Variants in ZBTB44 observed in about 807,000 individuals in gnomAD.
ZBTB44 encodes zinc finger and BTB domain-containing protein 44.
ZBTB44 carries 15 observed loss-of-function variants against 54.0 expected under a neutral mutation model. That is an observed-to-expected ratio of 0.28 (90% CI 0.19 to 0.43). The LOEUF (loss-of-function observed/expected upper bound fraction) is 0.43. Among genes scored for constraint, ZBTB44 ranks in the 20% least tolerant of loss-of-function variants. The pLI is 1.00. For synonymous variants in ZBTB44, 230 were observed against 250.1 expected, an observed-to-expected ratio of 0.92 and a Z score of 0.76; for missense variants, 487 against 707.1, an observed-to-expected ratio of 0.69 and a Z score of 3.53.
chr11:130,258,501 GTA>G (rs1479220142), intron 2 of ZBTB44, among the ~76,000 whole-genome samples: 1 of 152,138 alleles, frequency 6.6e-6, no homozygotes. Flanking sequence ...TCCCTTTAAT[GTA>G]GACTCCTTAC....
intron 1 of ZBTB44, chr11:130,296,602 C>A: frequency 1.1e-6 from 1 of 887,250 alleles, no homozygotes; most frequent in South Asian, 1.3e-5. Flanking sequence ...CAGCCAGAGG[C>A]CTAAATGGGA....
chr11:130,283,637 T>C (rs1464105822), intron 1 of ZBTB44, among the ~76,000 whole-genome samples: 1 of 152,058 alleles, frequency 6.6e-6, no homozygotes, highest in Non-Finnish European at 1.5e-5. Context: ...TATTCGACAA[T>C]GAGAAGGCAT....
intron 1 of ZBTB44, among the ~76,000 whole-genome samples, chr11:130,289,307 A>G (rs1592042611): frequency 6.6e-6 from 1 of 151,918 alleles, no homozygotes; most frequent in Non-Finnish European, 1.5e-5. Context: ...ACATGGTGAA[A>G]CCCCGTCTCT....
At chr11:130,313,441 T>C (rs1393073484) in intron 1 of ZBTB44, among the ~76,000 whole-genome samples, 1 of 152,220 alleles carries the variant, frequency 6.6e-6, no homozygotes, top group Non-Finnish European at 1.5e-5. Context: ...AAGGGGAAAC[T>C]ACATTAGGTA....
In ZBTB44 at chr11:130,238,617, A is replaced by AG. The variant is rs1249752861; in HGVS notation, c.1104-11_1104-10insC. 9.3e-6 allele frequency: 15 copies of AG among 1,607,232 alleles called. No individual in the cohort carries two copies. In the Admixed American group the frequency reaches 1.7e-4, roughly 18 times the overall value. ...CTGAACATTTTCCAATCTAAAAAAA[A>AG]CAGACCAAAGAAGGCAACCAGGCTC... is the stretch of plus-strand genomic sequence containing the variant. On this transcript the variant is annotated splice_polypyrimidine_tract_variant and intron_variant, in intron 3 of 7. Transcript: ENST00000357899.
intron 1 of ZBTB44, among the ~76,000 whole-genome samples, chr11:130,312,731 C>T (rs184952267): frequency 3.9e-5 from 6 of 152,202 alleles, no homozygotes; most frequent in Non-Finnish European, 7.3e-5. Context: ...GCAATCAATG[C>T]ATGAATCTTG....
chr11:130,290,296 A>G (rs1361668637), intron 1 of ZBTB44, among the ~76,000 whole-genome samples: 4 of 152,250 alleles, frequency 2.6e-5, no homozygotes, highest in Non-Finnish European at 5.9e-5. Context: ...GATCCTTCGG[A>G]GGGAAGGAGC....
At chr11:130,313,058 C>CGTATAGAA (rs1400861670) in intron 1 of ZBTB44, among the ~76,000 whole-genome samples, 45 of 152,192 alleles carry the variant, frequency 3.0e-4, no homozygotes, top group Non-Finnish European at 6.0e-4. Flanking sequence ...ATAGAACGAA[C>CGTATAGAA]CTCTATACGA....
At chr11:130,268,800 G>A (rs1011205249) in intron 1 of ZBTB44, among the ~76,000 whole-genome samples, 3 of 151,080 alleles carry the variant, frequency 2.0e-5, no homozygotes, top group African/African-American at 7.3e-5. Context: ...GGCTGGTCTC[G>A]AACTCCTGAC....
intron 2 of ZBTB44, among the ~76,000 whole-genome samples, chr11:130,259,474 A>C (rs1938690081): frequency 6.6e-6 from 1 of 152,210 alleles, no homozygotes; most frequent in African/African-American, 2.4e-5. Flanking sequence ...AAGGATTATA[A>C]ATCTTTCTAC....
chr11:130,266,905 C>A (rs76536139), intron 1 of ZBTB44, among the ~76,000 whole-genome samples: 9,747 of 152,244 alleles, frequency 0.064, 746 homozygotes, highest in African/African-American at 0.18. Context: ...AAACTACATA[C>A]ACCTTGTTGA....
At chr11:130,251,837 T>C (rs1219584341) in intron 2 of ZBTB44, among the ~76,000 whole-genome samples, 1 of 152,070 alleles carries the variant, frequency 6.6e-6, no homozygotes, top group Non-Finnish European at 1.5e-5. Flanking sequence ...CAAAGACCAA[T>C]GACATTATAA....
rs1953714122 is a variant in ZBTB44 at position 130,226,964 on chromosome 11, A to T, written c.*4800T>A. On this transcript the variant is annotated 3_prime_UTR_variant, in exon 8 of 8. Coordinates refer to ENST00000357899, the MANE Select transcript of ZBTB44 (RefSeq NM_001301098.2). ...TAATTTCAGTACAATATAACTATAC[A>T]GAATATATACAATACACATGTTCAC... 6.6e-6 allele frequency: 1 copy of T among 152,222 alleles called. No individual in the cohort carries two copies. The highest frequency in any genetic ancestry group is 2.1e-4 in the South Asian group (1 of 4,822). The allele number at this position is 152,222 out of a possible 1,614,324, so 9.4% of individuals were successfully genotyped here. A position where few individuals can be genotyped will look rare whatever the true frequency, so the allele number is the denominator to read the frequency against.
intron 1 of ZBTB44, among the ~76,000 whole-genome samples, chr11:130,276,242 A>AAAAAAAAAAAAAAAAAGAAAG (rs59112840): frequency 1.1e-5 from 1 of 94,420 alleles, no homozygotes; most frequent in Non-Finnish European, 2.1e-5. Context: ...CAAAAAAAAA[A>AAAAAAAAAAAAAAAAAGAAAG]AAAAGAAAAA....
chr11:130,255,566 G>A (rs1253308592), intron 2 of ZBTB44, among the ~76,000 whole-genome samples: 2 of 152,084 alleles, frequency 1.3e-5, no homozygotes, highest in African/African-American at 4.8e-5. Flanking sequence ...GAGCAGAACC[G>A]AAAGAGACAC....
chr11:130,284,726 C>T (rs1378434778), intron 1 of ZBTB44, among the ~76,000 whole-genome samples: 8 of 152,080 alleles, frequency 5.3e-5, no homozygotes, highest in Admixed American at 6.6e-5. Context: ...ATTTAGCCGA[C>T]GTGGTGGCAC....
At chr11:130,257,571 T>C (rs1938542804) in intron 2 of ZBTB44, among the ~76,000 whole-genome samples, 1 of 152,192 alleles carries the variant, frequency 6.6e-6, no homozygotes, top group Non-Finnish European at 1.5e-5. Context: ...TTCCCTACAA[T>C]CTTCAAAGAG....
chr11:130,301,063 G>A (rs765511140), intron 1 of ZBTB44, among the ~76,000 whole-genome samples: 12 of 151,940 alleles, frequency 7.9e-5, no homozygotes, highest in Non-Finnish European at 1.3e-4. Flanking sequence ...AAGAGGGAAA[G>A]GTTAAAGATA....
intron 1 of ZBTB44, among the ~76,000 whole-genome samples, chr11:130,293,540 G>A (rs992550311): frequency 4.6e-5 from 7 of 150,744 alleles, no homozygotes; most frequent in African/African-American, 1.7e-4. Context: ...AGCACTTTGG[G>A]AGGCCAAGGT....
Sources: allele counts gnomAD v4.1 joint callset (sites outside exome capture counted in the v4.1 genomes callset), GRCh38; gene constraint gnomAD v4.1.1; transcripts MANE v1.5; gene names NCBI Gene and HGNC (gene_info 2026-07-23, HGNC 2026-07-21).